The following SEL1L3 variants were observed in gnomAD, a reference collection of about 807,000 sequenced individuals.
SEL1L3 encodes the protein protein sel-1 homolog 3.
Under a neutral mutation model 142.8 loss-of-function variants are expected in SEL1L3, and 76 were observed. The ratio of observed to expected loss-of-function variants is 0.53; its 90% CI spans 0.44 to 0.64. The LOEUF is 0.64. Ranked by LOEUF, SEL1L3 falls within the 30% of genes least tolerant of loss-of-function variation. The pLI is 0.00. For synonymous variants in SEL1L3, 504 were observed against 519.6 expected (o/e 0.97, Z 0.41); for missense variants, 1,262 against 1,381.7 (o/e 0.91, Z 1.37).
chr4:25,836,522 C>T (rs1443496114), intron 2 of SEL1L3, among the ~76,000 whole-genome samples: 2 of 152,062 alleles, frequency 1.3e-5, no homozygotes, highest in East Asian at 1.9e-4. Context: ...CATGGTAGTG[C>T]GTGCCTGTAA....
chr4:25,779,030 T>C, intron 16 of SEL1L3, 46 bp downstream of exon 16: 2 of 1,594,980 alleles, frequency 1.3e-6, no homozygotes, highest in South Asian at 1.1e-5. Context: ...ACAGAGAATA[T>C]AGGATATGGC....
chr4:25,761,620 G>A (rs1186258493), intron 20 of SEL1L3, among the ~76,000 whole-genome samples: 1 of 152,146 alleles, frequency 6.6e-6, no homozygotes, highest in East Asian at 1.9e-4. Context: ...TTTCAAAAGT[G>A]TCAAAATTCC....
At chr4:25,850,911 C>T (rs528424128) in intron 1 of SEL1L3, among the ~76,000 whole-genome samples, 2 of 151,252 alleles carry the variant, frequency 1.3e-5, no homozygotes, top group Non-Finnish European at 2.9e-5. Context: ...AGTGCAGTGA[C>T]GCAATCTCGG....
At chr4:25,749,446 G>C (rs1717446384) in intron 23 of SEL1L3, among the ~76,000 whole-genome samples, 1 of 152,104 alleles carries the variant, frequency 6.6e-6, no homozygotes, top group African/African-American at 2.4e-5. Flanking sequence ...TCTTTGGTAA[G>C]AGCATAGTAA....
At chr4:25,739,886 C>T in the SEL1L3 span, among the ~76,000 whole-genome samples, 1 of 151,400 alleles carries the variant, frequency 6.6e-6, no homozygotes, top group Admixed American at 6.6e-5. Context: ...ACTTATACAA[C>T]TAGTATTGAG....
chr4:25,753,380 C>T (rs1717729233), intron 23 of SEL1L3, among the ~76,000 whole-genome samples: 1 of 152,246 alleles, frequency 6.6e-6, no homozygotes, highest in African/African-American at 2.4e-5. Context: ...CCCAAAGCTG[C>T]TGACGGGAGG....
intron 23 of SEL1L3, among the ~76,000 whole-genome samples, chr4:25,752,217 G>A (rs1244382984): frequency 6.6e-6 from 1 of 151,414 alleles, no homozygotes; most frequent in Non-Finnish European, 1.5e-5. Flanking sequence ...AGGAGTTCAA[G>A]ACCAGCACAG....
intron 11 of SEL1L3, among the ~76,000 whole-genome samples, chr4:25,795,129 T>C (rs1712631849): frequency 6.6e-6 from 1 of 152,028 alleles, no homozygotes; most frequent in South Asian, 2.1e-4. Context: ...GATGAGTTGA[T>C]AGGTGCAGCA....
At position 25,818,165 on chromosome 4, in the gene SEL1L3, C is replaced by T. The variant is rs190624648; in HGVS notation, c.1537G>A (p.Ala513Thr). Reference sequence around the variant, plus strand: ...GTCAGCAGATCCATCTCCAGCAATGCCTGGAACAAGCTGGGGTGTTTGTCT... The same window carrying T: ...GTCAGCAGATCCATCTCCAGCAATGTCTGGAACAAGCTGGGGTGTTTGTCT... The part of the protein sequence containing the change: ...LKDKHPSLFQ[A>T]LLEMDLLTVP... The change falls in exon 9 of 24, where the codon GCA (alanine) becomes ACA (threonine). Residue 513 changes from alanine (A) to threonine (T), a missense_variant. Physicochemically the swap from Ala to Thr is moderately conservative, Grantham distance 58. This residue lies in a region of SEL1L3 where 689 missense variants were observed against 692.8 expected (regional missense o/e 0.99). Transcript: ENST00000399878. The T allele has an allele frequency of 1.9e-6, 3 of 1,611,298 alleles. No individual in the cohort carries two copies. Among genetic ancestry groups the T allele is most frequent in the South Asian group, 2.2e-5 (2 of 90,190 alleles).
chr4:25,767,700 A>T, intron 18 of SEL1L3, 40 bp downstream of exon 18: 1 of 1,471,940 alleles, frequency 6.8e-7, no homozygotes, highest in Non-Finnish European at 9.4e-7. Context: ...ATTATCCTTA[A>T]CCTCAGAGCT....
intron 11 of SEL1L3, among the ~76,000 whole-genome samples, chr4:25,796,721 C>T (rs923785155): frequency 5.9e-5 from 9 of 151,536 alleles, no homozygotes; most frequent in African/African-American, 9.7e-5. Flanking sequence ...GTGGAGGTTG[C>T]AGTGAGCCGA....
At chr4:25,756,871 CT>C (rs1188891370) in intron 23 of SEL1L3, 2 of 1,283,686 alleles carry the variant, frequency 1.6e-6, no homozygotes, top group African/African-American at 3.0e-5. Flanking sequence ...CTGCCAGGAG[CT>C]TTGGCGCTGT....
chr4:25,847,615 G>C lies in SEL1L3; in HGVS notation c.412C>G (p.Leu138Val). ...ACTATTTGTGTCCTGCTGGTGTGAA[G>C]ATGTTTCTCATTCTTCCACCTTTTT... ...YKKRWKNEKH[L>V]HTSRTQIVHV... The change falls in exon 2 of 24, where the codon CTT (leucine) becomes GTT (valine). Residue 138 changes from leucine (L) to valine (V), a missense_variant. Physicochemically the swap from Leu to Val is conservative, Grantham distance 32. Coordinates refer to ENST00000399878, the MANE Select transcript of SEL1L3 (RefSeq NM_015187.5). 1 of 1,613,984 alleles carries C rather than the reference G, an allele frequency of 6.2e-7. No homozygotes were observed. Among genetic ancestry groups the C allele is most frequent in the East Asian group, 2.2e-5 (1 of 44,876 alleles).
chr4:25,814,233 T>C (rs189858511), intron 9 of SEL1L3, among the ~76,000 whole-genome samples: 60 of 152,290 alleles, frequency 3.9e-4, no homozygotes, highest in African/African-American at 1.3e-3. Flanking sequence ...TGGAAGCTGA[T>C]GTTTTCTTTT....
chr4:25,729,124 C>T, the SEL1L3 span, among the ~76,000 whole-genome samples: 59 of 152,250 alleles, frequency 3.9e-4, no homozygotes, highest in African/African-American at 1.3e-3. Context: ...CCTCTTGATG[C>T]CAAGGCTGGA....
intron 20 of SEL1L3, among the ~76,000 whole-genome samples, chr4:25,763,866 A>C (rs143992745): frequency 8.5e-5 from 13 of 152,118 alleles, no homozygotes; most frequent in South Asian, 2.1e-4. Context: ...GCAACAACAA[A>C]AAAATCCCAC....
chr4:25,732,987 C>G, the SEL1L3 span, among the ~76,000 whole-genome samples: 1 of 152,074 alleles, frequency 6.6e-6, no homozygotes, highest in African/African-American at 2.4e-5. Flanking sequence ...CTCAAGTGAT[C>G]TGCCCTCCTC....
intron 23 of SEL1L3, among the ~76,000 whole-genome samples, chr4:25,752,307 C>T (rs1323382427): frequency 4.7e-5 from 7 of 150,502 alleles, no homozygotes; most frequent in Non-Finnish European, 1.0e-4. Flanking sequence ...GTCCCAGCTA[C>T]TCAGGAGGCT....
chr4:25,825,175 T>C (rs1715010677), intron 6 of SEL1L3, among the ~76,000 whole-genome samples: 1 of 152,216 alleles, frequency 6.6e-6, no homozygotes. Context: ...AATTACTTGG[T>C]CCCTAGGGCA....
Sources: gnomAD v4.1 joint callset for allele counts (sites outside exome capture counted in the v4.1 genomes callset) on GRCh38, gnomAD v4.1.1 for gene constraint, gnomAD v4.1.1 regional missense constraint, MANE v1.5 for transcripts, NCBI Gene and HGNC (gene_info 2026-07-23, HGNC 2026-07-21) for gene names.